The following TNFAIP8 variants were observed in gnomAD, a reference collection of about 807,000 sequenced individuals.
TNFAIP8 encodes the protein tumor necrosis factor alpha-induced protein 8.
TNFAIP8 carries 7 observed loss-of-function variants against 13.3 expected under a neutral mutation model. That is an observed-to-expected ratio of 0.52 (90% CI 0.30 to 0.99). The LOEUF (loss-of-function observed/expected upper bound fraction) is 0.99. Ranked by LOEUF, TNFAIP8 falls within the 50% of genes least tolerant of loss-of-function variation. TNFAIP8 has a pLI of 0.07. For synonymous variants in TNFAIP8, 94 were observed against 87.6 expected, an observed-to-expected ratio of 1.07 and a Z score of -0.41; for missense variants, 258 against 236.9, an observed-to-expected ratio of 1.09 and a Z score of -0.58.
At chr5:119,308,655 G>T (rs1345197822) in intron 1 of TNFAIP8, among the ~76,000 whole-genome samples, 1 of 151,880 alleles carries the variant, frequency 6.6e-6, no homozygotes, top group Non-Finnish European at 1.5e-5. Context: ...ACGAGGTCAG[G>T]AGTTGAAGAC....
chr5:119,350,853 C>G (rs1028787753), intron 1 of TNFAIP8, among the ~76,000 whole-genome samples: 1 of 152,192 alleles, frequency 6.6e-6, no homozygotes, highest in African/African-American at 2.4e-5. Flanking sequence ...TCCTCAGCAT[C>G]TTCCTCTCAC....
intron 1 of TNFAIP8, among the ~76,000 whole-genome samples, chr5:119,373,497 A>G (rs1398354056): frequency 1.3e-5 from 2 of 152,200 alleles, no homozygotes; most frequent in Admixed American, 1.3e-4. Context: ...GGAGTATGCA[A>G]TGTGGAAGAC....
chr5:119,379,600 G>T (rs1368353530), intron 1 of TNFAIP8, among the ~76,000 whole-genome samples: 1 of 151,752 alleles, frequency 6.6e-6, no homozygotes, highest in African/African-American at 2.4e-5. Context: ...ATTTTTATTT[G>T]ATTTGATTTG....
intron 1 of TNFAIP8, among the ~76,000 whole-genome samples, chr5:119,334,624 CGTGTGTGTGTGTGTGT>C (rs59714206): frequency 7.4e-6 from 1 of 135,694 alleles, no homozygotes; most frequent in Non-Finnish European, 1.6e-5. Flanking sequence ...GTGATCCTTT[CGTGTGTGTGTGTGTGT>C]GTGTGTGTGT....
At chr5:119,299,224 C>T (rs1324560828) in intron 1 of TNFAIP8, among the ~76,000 whole-genome samples, 1 of 152,064 alleles carries the variant, frequency 6.6e-6, no homozygotes, top group African/African-American at 2.4e-5. Flanking sequence ...TGTTTTTTCC[C>T]CATCTTTGTG....
chr5:119,338,687 G>A (rs1750639120), intron 1 of TNFAIP8, among the ~76,000 whole-genome samples: 1 of 152,346 alleles, frequency 6.6e-6, no homozygotes, highest in Admixed American at 6.5e-5. Context: ...TTCCTCCTTA[G>A]CTGCCCAGGA....
intron 1 of TNFAIP8, chr5:119,333,154 T>C (rs1423890944): frequency 2.1e-6 from 2 of 973,750 alleles, no homozygotes; most frequent in Non-Finnish European, 2.4e-6. Flanking sequence ...TGTTGAAACG[T>C]TAGACTTCCT....
chr5:119,290,905 A>G, intron 1 of TNFAIP8, among the ~76,000 whole-genome samples: 1 of 152,270 alleles, frequency 6.6e-6, no homozygotes, highest in South Asian at 2.1e-4. Flanking sequence ...AAGCCTGGTC[A>G]GGTAGGAAGG....
intron 1 of TNFAIP8, among the ~76,000 whole-genome samples, chr5:119,346,919 A>G (rs550493767): frequency 6.6e-6 from 1 of 152,332 alleles, no homozygotes; most frequent in African/African-American, 2.4e-5. Flanking sequence ...TAAGATGCCA[A>G]TTTGGTTAAG....
intron 1 of TNFAIP8, among the ~76,000 whole-genome samples, chr5:119,285,522 T>C (rs1397148624): frequency 6.6e-6 from 1 of 152,190 alleles, no homozygotes; most frequent in African/African-American, 2.4e-5. Context: ...AACTACAAAA[T>C]GTTGCCTTGA....
At chr5:119,352,850 C>T (rs1240102289), upstream of TNFAIP8, among the ~76,000 whole-genome samples, 1 of 152,178 alleles carries the variant, frequency 6.6e-6, no homozygotes, top group Non-Finnish European at 1.5e-5. Context: ...TTCTTTAGGT[C>T]TGTGGTCAAA....
chr5:119,282,966 G>A (rs1748680126), intron 1 of TNFAIP8, among the ~76,000 whole-genome samples: 1 of 152,198 alleles, frequency 6.6e-6, no homozygotes, highest in Admixed American at 6.5e-5. Flanking sequence ...TGGGGCATTT[G>A]TGCGAGTTTG....
At chr5:119,298,602 G>A (rs961065729) in intron 1 of TNFAIP8, among the ~76,000 whole-genome samples, 4 of 151,632 alleles carry the variant, frequency 2.6e-5, no homozygotes, top group Non-Finnish European at 4.4e-5. Flanking sequence ...TGCTCTTCTC[G>A]AGGAGTATCT....
At chr5:119,296,556 A>G (rs187930426) in intron 1 of TNFAIP8, among the ~76,000 whole-genome samples, 5,241 of 152,248 alleles carry the variant, frequency 0.034, 140 homozygotes, top group Middle Eastern at 0.065. Context: ...TTTTGCATCA[A>G]TGTTCATCAA....
upstream of TNFAIP8, among the ~76,000 whole-genome samples, chr5:119,352,473 C>CT (rs2112761744): frequency 1.3e-5 from 2 of 152,230 alleles, no homozygotes; most frequent in East Asian, 3.9e-4. Flanking sequence ...GAACTAGAGG[C>CT]TATAGGTCCA....
chr5:119,319,305 G>A (rs997575663), intron 1 of TNFAIP8, among the ~76,000 whole-genome samples: 1 of 152,142 alleles, frequency 6.6e-6, no homozygotes, highest in African/African-American at 2.4e-5. Context: ...AAAATAATCC[G>A]TTTGGATATG....
At chr5:119,298,871 T>A (rs1388110754) in intron 1 of TNFAIP8, among the ~76,000 whole-genome samples, 1 of 152,246 alleles carries the variant, frequency 6.6e-6, no homozygotes, top group Non-Finnish European at 1.5e-5. Context: ...CTTCCATCAC[T>A]GATACCCTTT....
At chr5:119,324,274 C>CAAA (rs56104829) in intron 1 of TNFAIP8, among the ~76,000 whole-genome samples, 31 of 77,654 alleles carry the variant, frequency 4.0e-4, no homozygotes, top group African/African-American at 6.3e-4. Context: ...GACGCCATCT[C>CAAA]AAAAAAAAAA....
chr5:119,333,470 A>G, intron 1 of TNFAIP8: 9 of 1,428,606 alleles, frequency 6.3e-6, no homozygotes, highest in Non-Finnish European at 8.2e-6. Flanking sequence ...AATTATTTTG[A>G]ATTATTCTTG....
Sources: gnomAD v4.1 joint callset for allele counts (sites outside exome capture counted in the v4.1 genomes callset) on GRCh38, gnomAD v4.1.1 for gene constraint, MANE v1.5 for transcripts, NCBI Gene and HGNC (gene_info 2026-07-23, HGNC 2026-07-21) for gene names.